Variants in PLSCR5 observed in about 807,000 individuals in gnomAD.
The protein encoded by PLSCR5 is phospholipid scramblase family, member 5.
A neutral mutation model predicts 33.6 loss-of-function variants in PLSCR5; 44 were observed. The observed-to-expected ratio is 1.31, with a 90% CI of 1.03 to 1.69. The LOEUF is 1.69. Ranked by LOEUF, PLSCR5 falls within the 40% of genes most tolerant of loss-of-function variation. The pLI, the probability that PLSCR5 is intolerant of heterozygous loss-of-function variation, is 0.00. For missense variants in PLSCR5, 375 were observed against 318.7 expected (o/e 1.18, Z -1.34); for synonymous variants, 148 against 112.3 (o/e 1.32, Z -2.01).
intron 1 of PLSCR5, among the ~76,000 whole-genome samples, chr3:146,602,173 A>T (rs1233223289): frequency 6.6e-6 from 1 of 152,112 alleles, no homozygotes; most frequent in Admixed American, 6.6e-5. Context: ...GATACAAAGG[A>T]TATAGGCTTT....
At chr3:146,583,501 G>C (rs2107846869), downstream of PLSCR5, among the ~76,000 whole-genome samples, 1 of 152,228 alleles carries the variant, frequency 6.6e-6, no homozygotes, top group East Asian at 1.9e-4. Flanking sequence ...AGAGCTGCAT[G>C]CTTTTCACTA....
chr3:146,603,896 T>C (rs2044841583), intron 1 of PLSCR5, among the ~76,000 whole-genome samples: 1 of 152,132 alleles, frequency 6.6e-6, no homozygotes, highest in African/African-American at 2.4e-5. Flanking sequence ...ATGATTTTGC[T>C]ATTTCACATC....
intron 2 of PLSCR5, among the ~76,000 whole-genome samples, chr3:146,599,872 G>A (rs188141627): frequency 6.6e-6 from 1 of 151,970 alleles, no homozygotes; most frequent in Admixed American, 6.6e-5. Context: ...GTTGTATCAT[G>A]TTGCGCAGCC....
intron 2 of PLSCR5, among the ~76,000 whole-genome samples, chr3:146,596,742 C>T (rs900468478): frequency 1.3e-5 from 2 of 152,078 alleles, no homozygotes; most frequent in South Asian, 2.1e-4. Flanking sequence ...ACATGATTTC[C>T]CTCATTCTCC....
rs748578160 is a variant in PLSCR5 at position 146,589,738 on chromosome 3, G to A, written c.692C>T (p.Thr231Ile). 1 of 1,597,264 alleles carries A rather than the reference G, an allele frequency of 6.3e-7. No individual in the cohort carries two copies. The highest frequency in any genetic ancestry group is 8.6e-7 in the Non-Finnish European group (1 of 1,166,670). The change falls in exon 6 of 8, where the codon ACA becomes ATA. Residue 231 changes from threonine (T) to isoleucine (I), a missense_variant. By Grantham distance (89) the Thr-to-Ile change is moderately conservative. Transcript: ENST00000443512. ...ATGAATTCCGAAATTGTCAGCATTTGTGAAGACATCATTTACAAATCCTGA... is the reference window on the plus strand; with the variant it reads ...ATGAATTCCGAAATTGTCAGCATTTATGAAGACATCATTTACAAATCCTGA... ...YWSGFVNDVF[T>I]NADNFGIHVP...
chr3:146,591,578 T>G, intron 5 of PLSCR5, 142 bp downstream of exon 5: 2 of 911,276 alleles, frequency 2.2e-6, no homozygotes, highest in Non-Finnish European at 3.3e-6. Flanking sequence ...ATGTACAATA[T>G]GGGCTGATTA....
At chr3:146,591,574 A>G (rs541384797) in intron 5 of PLSCR5, 146 bp downstream of exon 5, 3 of 889,186 alleles carry the variant, frequency 3.4e-6, no homozygotes, top group African/African-American at 3.4e-5. Context: ...TAGCATGTAC[A>G]ATATGGGCTG....
At chr3:146,585,975 C>A in intron 7 of PLSCR5, 33 bp from the exon 8 acceptor site, 1 of 1,249,398 alleles carries the variant, frequency 8.0e-7, no homozygotes, top group South Asian at 1.6e-5. Context: ...TAGATAGCGT[C>A]AAATATAGAC....
At chr3:146,582,604 G>T (rs342904), downstream of PLSCR5, among the ~76,000 whole-genome samples, 2 of 151,832 alleles carry the variant, frequency 1.3e-5, no homozygotes, top group African/African-American at 4.8e-5. Context: ...TTGGCATGTC[G>T]CCTTCTTGAT....
chr3:146,583,595 C>A (rs951046627), downstream of PLSCR5, among the ~76,000 whole-genome samples: 1 of 152,150 alleles, frequency 6.6e-6, no homozygotes, highest in African/African-American at 2.4e-5. Context: ...ATAAGAAGAT[C>A]AATTTTACCT....
intron 2 of PLSCR5, among the ~76,000 whole-genome samples, chr3:146,599,814 G>A (rs2044795797): frequency 6.6e-6 from 1 of 151,810 alleles, no homozygotes; most frequent in African/African-American, 2.4e-5. Context: ...GAGTAGCTAG[G>A]ACCACAGGCA....
chr3:146,605,075 A>G, intron 1 of PLSCR5, 125 bp downstream of exon 1: 1 of 957,328 alleles, frequency 1.0e-6, no homozygotes, highest in Non-Finnish European at 1.5e-6. Flanking sequence ...TTAAAATCAC[A>G]ATGTTCAAAA....
chr3:146,586,413 T>C (rs1280507355), intron 6 of PLSCR5, among the ~76,000 whole-genome samples: 2 of 152,202 alleles, frequency 1.3e-5, no homozygotes, highest in Non-Finnish European at 2.9e-5. Flanking sequence ...TTAAGCTTCG[T>C]GACTTTTTAT....
intron 1 of PLSCR5, 30 bp downstream of exon 1, chr3:146,605,170 A>C (rs1337956575): frequency 6.3e-7 from 1 of 1,594,310 alleles, no homozygotes; most frequent in Admixed American, 1.7e-5. Context: ...ATATAAGAAA[A>C]AGTTATTAGT....
At chr3:146,589,997 T>C in intron 5 of PLSCR5, 183 bp from the exon 6 acceptor site, 1 of 424,440 alleles carries the variant, frequency 2.4e-6, no homozygotes, top group Non-Finnish European at 4.0e-6. Flanking sequence ...CAGTTTACTT[T>C]TTAGAAACTT....
At position 146,589,561 on chromosome 3, in the gene PLSCR5, G is replaced by A; in HGVS notation, c.777+92C>T. The A allele has an allele frequency of 1.2e-5, 14 of 1,196,126 alleles. No individual in the cohort carries two copies. In the South Asian group the frequency reaches 1.5e-4, roughly 13 times the overall value. 74.1% of individuals were successfully genotyped at this position (1,196,126 alleles called of 1,614,324 possible). A position where few individuals can be genotyped will look rare whatever the true frequency, so the allele number is the denominator to read the frequency against. On this transcript the variant is annotated intron_variant, in intron 6 of 7. Coordinates refer to ENST00000443512, the MANE Select transcript of PLSCR5 (RefSeq NM_001085420.2). Reference sequence around the variant, plus strand: ...TATGAATAAAATATACTCTTTGGGGGTAAAAACTGTGTAAATGGGATAGGC... The same window carrying A: ...TATGAATAAAATATACTCTTTGGGGATAAAAACTGTGTAAATGGGATAGGC...
chr3:146,600,066 C>T (rs1412630948), intron 2 of PLSCR5, among the ~76,000 whole-genome samples: 2 of 152,018 alleles, frequency 1.3e-5, no homozygotes, highest in Non-Finnish European at 2.9e-5. Context: ...TCTCATCATT[C>T]TGTCAAATAA....
chr3:146,577,848 T>TA (rs2044608476), intron 7 of PLSCR5, among the ~76,000 whole-genome samples: 1 of 152,156 alleles, frequency 6.6e-6, no homozygotes, highest in Non-Finnish European at 1.5e-5. Context: ...AGCTAAGCAA[T>TA]GCCATCATAA....
chr3:146,583,498 C>T (rs2107846867), downstream of PLSCR5, among the ~76,000 whole-genome samples: 1 of 152,218 alleles, frequency 6.6e-6, no homozygotes, highest in East Asian at 1.9e-4. Context: ...TCTAGAGCTG[C>T]ATGCTTTTCA....
Sources: allele counts gnomAD v4.1 joint callset (sites outside exome capture counted in the v4.1 genomes callset), GRCh38; gene constraint gnomAD v4.1.1; transcripts MANE v1.5; gene names NCBI Gene and HGNC (gene_info 2026-07-23, HGNC 2026-07-21).